DMD: variants seen among roughly 807,000 people sequenced by gnomAD.
DMD encodes the protein dystrophin.
In DMD, 63 loss-of-function variants were observed where a neutral mutation model predicts 330.1. That is an observed-to-expected ratio of 0.19 (90% confidence interval 0.16 to 0.24). DMD has a LOEUF of 0.24. Among genes scored for constraint, DMD ranks in the 10% least tolerant of loss-of-function variants. The probability of loss-of-function intolerance (pLI) is 1.00; values close to 1 mark genes in which losing one functional copy is unlikely to be tolerated. For missense variants in DMD, 3,344 were observed against 2,684.1 expected (o/e 1.25, Z -5.43); for synonymous variants, 1,223 against 959.8 (o/e 1.27, Z -5.07).
chrX:31,147,720 A>G (rs1341733023), intron 74 of DMD, among the ~76,000 whole-genome samples: 2 of 109,622 alleles, frequency 1.8e-5, no homozygotes. Context: ...AGAACAAAAC[A>G]AAATTTGAAG....
chrX:32,335,767 T>G (rs771129983), intron 41 of DMD, among the ~76,000 whole-genome samples: 44 of 94,520 alleles, frequency 4.7e-4, no homozygotes, highest in Non-Finnish European at 8.4e-4. Flanking sequence ...CATGTATATA[T>G]AAAACGTTAT....
At chrX:32,463,384 G>A in intron 25 of DMD, 55 bp downstream of exon 25, 1 of 1,100,048 alleles carries the variant, frequency 9.1e-7, no homozygotes, top group Non-Finnish European at 1.2e-6. Context: ...GGAGACATTA[G>A]GAAATCTTAG....
At chrX:31,964,596 A>AGTGTGTGT (rs59973399) in intron 45 of DMD, among the ~76,000 whole-genome samples, 79 of 99,625 alleles carry the variant, frequency 7.9e-4, no homozygotes, top group African/African-American at 2.8e-3. Flanking sequence ...AATGTTAAAA[A>AGTGTGTGT]GTGTGTGTGT....
At chrX:32,692,436 T>C (rs2063346022) in intron 9 of DMD, among the ~76,000 whole-genome samples, 1 of 111,632 alleles carries the variant, frequency 9.0e-6, no homozygotes, top group Non-Finnish European at 1.9e-5. Context: ...TCCCATCCTC[T>C]GTTTGCCAAT....
chrX:32,423,098 A>C (rs1451679212), intron 29 of DMD, among the ~76,000 whole-genome samples: 1 of 111,223 alleles, frequency 9.0e-6, no homozygotes, highest in East Asian at 2.8e-4. Context: ...CAATCCAAAA[A>C]TTTATCACTA....
In DMD at chrX:32,956,413, T is replaced by C. The variant is rs2091587038; in HGVS notation, c.93+63726A>G. Among the ~76,000 whole-genome samples the C allele has an allele frequency of 2.7e-5, 3 of 111,671 alleles. No homozygotes were observed. In the East Asian group the frequency reaches 8.5e-4, roughly 31 times the overall value. The stretch of plus-strand genomic sequence containing the variant: ...CTAGTTAGCTGTATTCCTAGGTATT[T>C]TATTCTTTCTATGGCAGTTGTGAAT... On this transcript the variant is annotated intron_variant, in intron 2 of 78. Coordinates refer to ENST00000357033, the MANE Select transcript of DMD (RefSeq NM_004006.3).
At chrX:33,082,129 G>A (rs2094939925) in intron 1 of DMD, among the ~76,000 whole-genome samples, 1 of 111,070 alleles carries the variant, frequency 9.0e-6, no homozygotes, top group Admixed American at 9.6e-5. Flanking sequence ...AGTCGGCTGA[G>A]AAGAAAAAAC....
intron 7 of DMD, among the ~76,000 whole-genome samples, chrX:32,736,997 TATTC>T (rs2068593419): frequency 9.0e-6 from 1 of 111,229 alleles, no homozygotes; most frequent in African/African-American, 3.3e-5. Flanking sequence ...TATATCCAAA[TATTC>T]ATTATATATA....
intron 2 of DMD, among the ~76,000 whole-genome samples, chrX:33,015,459 T>C (rs1364315455): frequency 9.0e-6 from 1 of 110,692 alleles, no homozygotes; most frequent in East Asian, 2.9e-4. Context: ...GGGAGCTAAA[T>C]GATGAGAACA....
chrX:33,161,437 A>G (rs2048766175), intron 1 of DMD, among the ~76,000 whole-genome samples: 1 of 111,515 alleles, frequency 9.0e-6, no homozygotes. Context: ...CTCTTTATAT[A>G]TATTATGTTC....
intron 2 of DMD, among the ~76,000 whole-genome samples, chrX:32,898,114 A>C (rs906634196): frequency 1.8e-4 from 20 of 111,721 alleles, no homozygotes; most frequent in African/African-American, 6.5e-4. Context: ...CCGTGTTCTG[A>C]TGAGATGTTT....
intron 41 of DMD, among the ~76,000 whole-genome samples, chrX:32,336,201 T>C (rs760908714): frequency 9.0e-6 from 1 of 110,638 alleles, no homozygotes; most frequent in East Asian, 2.9e-4. Context: ...GTCATATATA[T>C]ACATGACATG....
intron 11 of DMD, among the ~76,000 whole-genome samples, chrX:32,642,273 T>C (rs899964420): frequency 3.6e-5 from 4 of 112,420 alleles, no homozygotes; most frequent in African/African-American, 9.7e-5. Context: ...GTCTATGTGA[T>C]AGAAGTGGTT....
intron 49 of DMD, among the ~76,000 whole-genome samples, chrX:31,836,308 G>A (rs773379496): frequency 1.8e-5 from 2 of 112,169 alleles, no homozygotes; most frequent in African/African-American, 6.5e-5. Context: ...GAAAGGTCAC[G>A]GACCATATTG....
intron 60 of DMD, among the ~76,000 whole-genome samples, chrX:31,372,574 G>A (rs763288003): frequency 8.9e-6 from 1 of 111,896 alleles, no homozygotes; most frequent in South Asian, 3.8e-4. Flanking sequence ...TGTCATTTGT[G>A]TGACCTTAAA....
At chrX:31,651,250 G>A (rs1359694284) in intron 54 of DMD, among the ~76,000 whole-genome samples, 2 of 111,788 alleles carry the variant, frequency 1.8e-5, no homozygotes, top group Non-Finnish European at 3.8e-5. Context: ...TTTGCAGCCT[G>A]TAGCATATCC....
At chrX:32,910,356 A>C (rs2087116555) in intron 2 of DMD, among the ~76,000 whole-genome samples, 1 of 111,856 alleles carries the variant, frequency 8.9e-6, no homozygotes, top group African/African-American at 3.2e-5. Flanking sequence ...GGTTAGAATT[A>C]TGATGTGAAG....
At chrX:32,460,771 G>C (rs748769127) in intron 25 of DMD, among the ~76,000 whole-genome samples, 12 of 111,587 alleles carry the variant, frequency 1.1e-4, no homozygotes, top group Admixed American at 9.6e-4. Context: ...CTACCCAATA[G>C]AAAGTAGTTT....
At chrX:33,048,362 C>T (rs2094410517) in intron 1 of DMD, among the ~76,000 whole-genome samples, 2 of 111,067 alleles carry the variant, frequency 1.8e-5, no homozygotes, top group African/African-American at 6.5e-5. Context: ...AAATTTATAG[C>T]ACAGCAGACC....
Sources: allele counts gnomAD v4.1 joint callset (sites outside exome capture counted in the v4.1 genomes callset), GRCh38; gene constraint gnomAD v4.1.1; transcripts MANE v1.5; gene names NCBI Gene and HGNC (gene_info 2026-07-23, HGNC 2026-07-21).